The following KIAA0232 variants were observed in gnomAD, a reference collection of about 807,000 sequenced individuals.
The protein encoded by KIAA0232 is KIAA0232.
KIAA0232 carries 27 observed loss-of-function variants against 122.0 expected under a neutral mutation model. The ratio of observed to expected loss-of-function variants is 0.22; its 90% CI spans 0.16 to 0.31. The LOEUF (loss-of-function observed/expected upper bound fraction) is 0.31. Ranked by LOEUF, KIAA0232 falls within the 10% of genes least tolerant of loss-of-function variation. KIAA0232 has a pLI of 1.00. For missense variants in KIAA0232, 1,551 were observed against 1,634.2 expected (o/e 0.95, Z 0.88); for synonymous variants, 613 against 587.6 (o/e 1.04, Z -0.63).
intron 1 of KIAA0232, among the ~76,000 whole-genome samples, chr4:6,793,924 C>T (rs549645127): frequency 7.2e-5 from 11 of 152,300 alleles, no homozygotes; most frequent in East Asian, 3.9e-4. Flanking sequence ...CCCAGACTTC[C>T]GTCCTTCCAA....
At chr4:6,791,885 C>G (rs183759856) in intron 1 of KIAA0232, among the ~76,000 whole-genome samples, 6 of 152,250 alleles carry the variant, frequency 3.9e-5, no homozygotes, top group Admixed American at 3.9e-4. Context: ...TAGGAGGGAC[C>G]TGGTGGGAGG....
At chr4:6,837,327 C>T (rs1395869302) in intron 3 of KIAA0232, among the ~76,000 whole-genome samples, 2 of 150,886 alleles carry the variant, frequency 1.3e-5, no homozygotes, top group East Asian at 2.0e-4. Context: ...CGCGGCTGGG[C>T]AGAGGTGCTC....
intron 9 of KIAA0232, among the ~76,000 whole-genome samples, chr4:6,877,617 T>C (rs1721826684): frequency 2.0e-5 from 3 of 152,192 alleles, no homozygotes; most frequent in Admixed American, 2.0e-4. Flanking sequence ...TGGAGTCCGA[T>C]GTTCGAGGGC....
In KIAA0232 at chr4:6,862,335, T is replaced by C. The variant is rs768932182; in HGVS notation, c.1953T>C (p.Phe651=). 9.9e-6 allele frequency: 16 copies of C among 1,614,170 alleles called. No individual in the cohort carries two copies. Among genetic ancestry groups the C allele is most frequent in the Non-Finnish European group, 1.1e-5 (13 of 1,180,024 alleles). The change falls in exon 7 of 10, where the codon TTT becomes TTC. Residue 651 remains phenylalanine (F), a synonymous_variant. Coordinates refer to ENST00000307659, the MANE Select transcript of KIAA0232 (RefSeq NM_014743.3). ...GSGINSCFSV[F]EVQCSNSVLP... Reference sequence around the variant, plus strand: ...GTATAAACTCTTGTTTTTCAGTGTTTGAAGTGCAATGCAGTAATTCTGTTT... The same window carrying C: ...GTATAAACTCTTGTTTTTCAGTGTTCGAAGTGCAATGCAGTAATTCTGTTT...
chr4:6,830,765 C>T (rs2109065876), intron 3 of KIAA0232, among the ~76,000 whole-genome samples: 1 of 152,168 alleles, frequency 6.6e-6, no homozygotes. Flanking sequence ...CAGACTTACA[C>T]CCTTTTTTGT....
At chr4:6,835,231 G>C (rs928575834) in intron 3 of KIAA0232, among the ~76,000 whole-genome samples, 1 of 152,096 alleles carries the variant, frequency 6.6e-6, no homozygotes, top group African/African-American at 2.4e-5. Context: ...TAGCCCAAGA[G>C]AATCAGGTAG....
intron 4 of KIAA0232, among the ~76,000 whole-genome samples, chr4:6,851,766 A>G (rs939163438): frequency 1.3e-5 from 2 of 151,470 alleles, no homozygotes; most frequent in African/African-American, 4.9e-5. Context: ...TGCCTAAATC[A>G]GTAAGGTGCT....
chr4:6,798,913 G>T (rs1488544910), intron 1 of KIAA0232, among the ~76,000 whole-genome samples: 4 of 152,192 alleles, frequency 2.6e-5, no homozygotes. Flanking sequence ...ATCAGGTGTA[G>T]GGGAGGAAGT....
rs185907966 is a variant in KIAA0232, at chr4:6,835,887, G to A, written c.232-6180G>A. On this transcript the variant is annotated intron_variant, in intron 3 of 9. Coordinates refer to ENST00000307659, the MANE Select transcript of KIAA0232 (RefSeq NM_014743.3). ...CTATTATTGATGGACATTTGGGTTGGTTCCATGTCTTTGCTATTGTGAATA... is the reference window on the plus strand; with the variant it reads ...CTATTATTGATGGACATTTGGGTTGATTCCATGTCTTTGCTATTGTGAATA... Among the ~76,000 whole-genome samples the A allele has an allele frequency of 3.5e-3, 526 of 151,608 alleles. 3 individuals are homozygous for A. The highest frequency in any genetic ancestry group is 0.031 in the Middle Eastern group (9 of 294).
chr4:6,823,370 G>C (rs1718512712), intron 2 of KIAA0232, among the ~76,000 whole-genome samples: 1 of 152,072 alleles, frequency 6.6e-6, no homozygotes, highest in African/African-American at 2.4e-5. Context: ...CTCCACAATG[G>C]TTGAACTAGT....
At chr4:6,820,267 AAAAAG>A (rs1718360470) in intron 2 of KIAA0232, among the ~76,000 whole-genome samples, 1 of 152,212 alleles carries the variant, frequency 6.6e-6, no homozygotes, top group Non-Finnish European at 1.5e-5. Flanking sequence ...GTTAAAAAGA[AAAAAG>A]AAGACGCCAC....
intron 3 of KIAA0232, among the ~76,000 whole-genome samples, chr4:6,830,271 A>C (rs1017474361): frequency 6.6e-6 from 1 of 152,220 alleles, no homozygotes; most frequent in Non-Finnish European, 1.5e-5. Flanking sequence ...CCACACAGCT[A>C]GTAAATTTTG....
chr4:6,815,721 T>C (rs1022985175), intron 2 of KIAA0232, among the ~76,000 whole-genome samples: 1 of 152,204 alleles, frequency 6.6e-6, no homozygotes, highest in Non-Finnish European at 1.5e-5. Flanking sequence ...CAGTCTGTAC[T>C]GTGTAGATTT....
chr4:6,846,410 C>T (rs2108753007), intron 4 of KIAA0232, among the ~76,000 whole-genome samples: 1 of 152,250 alleles, frequency 6.6e-6, no homozygotes, highest in South Asian at 2.1e-4. Flanking sequence ...CGCCTGAGCT[C>T]CGCCTCAGAT....
intron 9 of KIAA0232, among the ~76,000 whole-genome samples, chr4:6,877,473 A>G (rs1721819671): frequency 6.6e-6 from 1 of 152,168 alleles, no homozygotes; most frequent in Admixed American, 6.5e-5. Context: ...GAACTAATGG[A>G]ATAGGTATAT....
intron 2 of KIAA0232, 139 bp from the exon 3 acceptor site, chr4:6,824,046 G>A (rs1718549828): frequency 2.7e-6 from 1 of 368,426 alleles, no homozygotes; most frequent in Non-Finnish European, 4.8e-6. Flanking sequence ...CAAAGATGAT[G>A]GGGGGAAAAA....
chr4:6,819,395 C>CT (rs1718313263), intron 2 of KIAA0232, among the ~76,000 whole-genome samples: 1 of 151,916 alleles, frequency 6.6e-6, no homozygotes, highest in Non-Finnish European at 1.5e-5. Flanking sequence ...CTATTGGAAA[C>CT]TTAAACAGTT....
Position 6,863,863 on chromosome 4 carries a change from G to A in KIAA0232, c.3481G>A (p.Glu1161Lys). 6.2e-7 allele frequency: 1 copy of A among 1,614,168 alleles called. No homozygotes were observed. The highest frequency in any genetic ancestry group is 8.5e-7 in the Non-Finnish European group (1 of 1,180,030). Reference sequence around the variant, plus strand: ...ACCTTTGGAAGAAGATGCAGAGAAAGAAGGCCATTACTATGGAAAATCAGA... The same window carrying A: ...ACCTTTGGAAGAAGATGCAGAGAAAAAAGGCCATTACTATGGAAAATCAGA... ...LKPLEEDAEK[E>K]GHYYGKSELE... The change falls in exon 7 of 10, where the codon GAA (glutamate) becomes AAA (lysine). Residue 1161 changes from glutamate to lysine, a missense_variant. Physicochemically the swap from Glu to Lys is moderately conservative, Grantham distance 56 (BLOSUM62 1). Coordinates refer to ENST00000307659, the MANE Select transcript of KIAA0232 (RefSeq NM_014743.3).
intron 2 of KIAA0232, among the ~76,000 whole-genome samples, chr4:6,814,245 T>G (rs1718013602): frequency 6.6e-6 from 1 of 152,174 alleles, no homozygotes; most frequent in Non-Finnish European, 1.5e-5. Context: ...TCCTTTGCAC[T>G]TAACCACCTT....
Sources: gnomAD v4.1 joint callset for allele counts (sites outside exome capture counted in the v4.1 genomes callset) on GRCh38, gnomAD v4.1.1 for gene constraint, MANE v1.5 for transcripts, NCBI Gene and HGNC (gene_info 2026-07-23, HGNC 2026-07-21) for gene names.